OTOG: variants seen among roughly 807,000 people sequenced by gnomAD.
OTOG encodes otogelin.
In OTOG, 296 loss-of-function variants were observed where a neutral mutation model predicts 313.8. The ratio of observed to expected loss-of-function variants is 0.94; its 90% CI spans 0.86 to 1.04. The LOEUF is 1.04. OTOG is among the 50% of genes least tolerant of loss of function. The pLI is 0.00. For missense variants in OTOG, 3,948 were observed against 3,840.1 expected (o/e 1.03, Z -0.74); for synonymous variants, 1,533 against 1,554.9 (o/e 0.99, Z 0.33).
intron 18 of OTOG, 120 bp from the exon 19 acceptor site, chr11:17,572,958 A>G: frequency 2.1e-6 from 2 of 954,448 alleles, no homozygotes; most frequent in African/African-American, 1.7e-5. Context: ...AGCTGCCTAC[A>G]TCCGTACAGC....
At position 17,610,202 on chromosome 11, in the gene OTOG, C is replaced by T. The variant is rs774317885; in HGVS notation, c.4902C>T (p.Pro1634=). The change falls in exon 36 of 56, where the codon CCC becomes CCT. Residue 1634 remains proline, a synonymous_variant. Coordinates refer to ENST00000399397, the MANE Select transcript of OTOG (RefSeq NM_001292063.2). ...GHGSLPVRTT[P]PQPSLTASPS... ...GCTCCTTGCCTGTTAGGACGACACC[C>T]CCACAGCCCTCCTTGACAGCAAGTC... 5.2e-6 allele frequency: 8 copies of T among 1,550,510 alleles called. No homozygotes were observed. In the South Asian group the frequency reaches 5.9e-5, roughly 12 times the overall value.
intron 7 of OTOG, 102 bp downstream of exon 7, chr11:17,555,999 T>A: frequency 1.1e-6 from 1 of 943,998 alleles, no homozygotes; most frequent in African/African-American, 1.6e-5. Context: ...AATTGTTTTC[T>A]GGGGACAAAC....
At chr11:17,597,129 G>A (rs1853130912) in intron 30 of OTOG, 122 bp downstream of exon 30, 2 of 1,252,674 alleles carry the variant, frequency 1.6e-6, no homozygotes, top group Non-Finnish European at 2.2e-6. Flanking sequence ...AGCACCAACT[G>A]CTTTGGGCGT....
intron 39 of OTOG, 97 bp from the exon 40 acceptor site, chr11:17,629,036 A>ATGGG (rs1854050545): frequency 3.9e-5 from 45 of 1,163,170 alleles, no homozygotes; most frequent in Non-Finnish European, 5.1e-5. Context: ...TGATGGGTGG[A>ATGGG]TGGATGGATG....
rs1355111996 is a variant in OTOG, at chr11:17,571,260, C to A, written c.1956-820C>A. On this transcript the variant is annotated intron_variant, in intron 17 of 55. Coordinates refer to ENST00000399397, the MANE Select transcript of OTOG (RefSeq NM_001292063.2). ...TAGCTGGCCAAATAGTAGGGGGAGA[C>A]CTTGGTTTAGTGTGTAAGCTGTTTG... is the stretch of plus-strand genomic sequence containing the variant. 2.0e-5 allele frequency among the ~76,000 whole-genome samples: 3 copies of A among 152,150 alleles called. No individual in the cohort carries two copies. The East Asian group carries it at 5.8e-4, about 29-fold the overall frequency.
Position 17,591,534 on chromosome 11 carries a change from G to A in OTOG, c.2952G>A (p.Thr984=), listed in dbSNP as rs747518343. 1.4e-5 allele frequency: 21 copies of A among 1,550,570 alleles called. No homozygotes were observed. The East Asian group carries it at 2.9e-4, about 22-fold the overall frequency. Residue 984 remains threonine, a synonymous_variant, in exon 25 of 56, where the codon ACG becomes ACA. Transcript: ENST00000399397. ...CCTATGGGGACCGGCATTACCGCAC[G>A]TTTGATGGGCTCCCGTTTGACTTCG... ...CTAYGDRHYR[T]FDGLPFDFVG...
In OTOG at chr11:17,594,064, C is replaced by T. The variant is rs1048498403; in HGVS notation, c.3306C>T (p.Leu1102=). 7 of 1,550,480 alleles carry T rather than the reference C, an allele frequency of 4.5e-6. No individual in the cohort carries two copies. In the African/African-American group the frequency reaches 9.6e-5, roughly 21 times the overall value. The change falls in exon 28 of 56, where the codon CTC becomes CTT. Residue 1102 remains leucine, a synonymous_variant. Coordinates refer to ENST00000399397, the MANE Select transcript of OTOG (RefSeq NM_001292063.2). The part of the protein sequence containing the change: ...GPQWQGQLAG[L]CGNFDLKTIN... The stretch of plus-strand genomic sequence containing the variant: ...CCTTTCAGGGCCAGCTGGCGGGCCT[C>T]TGTGGGAACTTTGACTTAAAAACCA...
chr11:17,560,626 C>A, intron 12 of OTOG, 83 bp from the exon 13 acceptor site: 1 of 961,522 alleles, frequency 1.0e-6, no homozygotes, highest in Non-Finnish European at 1.6e-6. Context: ...ATAAGGGGAT[C>A]TTTATCAGAG....
At chr11:17,558,152 C>T in intron 8 of OTOG, 33 bp from the exon 9 acceptor site, 1 of 1,549,608 alleles carries the variant, frequency 6.5e-7, no homozygotes. Flanking sequence ...AACCCCATCG[C>T]TGCCCCATCA....
chr11:17,556,380 C>T (rs931054936), intron 7 of OTOG, among the ~76,000 whole-genome samples: 4 of 152,182 alleles, frequency 2.6e-5, no homozygotes, highest in African/African-American at 9.7e-5. Flanking sequence ...TAAAATGCCC[C>T]AGACTGTGGT....
chr11:17,629,914 C>T (rs958070325), intron 40 of OTOG, among the ~76,000 whole-genome samples: 1 of 152,162 alleles, frequency 6.6e-6, no homozygotes, highest in African/African-American at 2.4e-5. Context: ...CACATGGACA[C>T]TCATGGGGCA....
chr11:17,630,021 G>A (rs1431383794), intron 40 of OTOG, among the ~76,000 whole-genome samples: 1 of 151,826 alleles, frequency 6.6e-6, no homozygotes, highest in Non-Finnish European at 1.5e-5. Flanking sequence ...TCCTCCACCT[G>A]CACCCCGGTG....
chr11:17,635,077 C>T lies in OTOG; in HGVS notation c.7586-3C>T, dbSNP rs1481769112. ...CAGCACCTAAATTCAGCCTTTTCCC[C>T]AGAGTGTGACCCAGATCTCTGTGAG... is the stretch of plus-strand genomic sequence containing the variant. On this transcript the variant is annotated splice_region_variant and splice_polypyrimidine_tract_variant and intron_variant, in intron 45 of 55. Transcript: ENST00000399397. The T allele has an allele frequency of 1.3e-6, 2 of 1,546,316 alleles. No individual in the cohort carries two copies. Among genetic ancestry groups the T allele is most frequent in the African/African-American group, 2.7e-5 (2 of 72,926 alleles).
chr11:17,599,585 G>A (rs1853194810), intron 30 of OTOG, 86 bp from the exon 31 acceptor site: 2 of 1,450,210 alleles, frequency 1.4e-6, no homozygotes, highest in Non-Finnish European at 1.9e-6. Flanking sequence ...GAAGAAGGGA[G>A]GCTGGGATGC....
chr11:17,633,185 T>C (rs1854173483), intron 42 of OTOG, among the ~76,000 whole-genome samples: 2 of 152,244 alleles, frequency 1.3e-5, no homozygotes, highest in African/African-American at 4.8e-5. Context: ...AAGGATTCTT[T>C]TGTAGTCGAG....
At chr11:17,613,199 C>T (rs868713509) in intron 38 of OTOG, among the ~76,000 whole-genome samples, 87 of 57,176 alleles carry the variant, frequency 1.5e-3, no homozygotes, top group East Asian at 7.4e-3. Flanking sequence ...TCTTTCTTTT[C>T]TTTCTTTCTT....
intron 39 of OTOG, among the ~76,000 whole-genome samples, chr11:17,620,455 G>A (rs1853836372): frequency 6.6e-6 from 1 of 152,042 alleles, no homozygotes; most frequent in Non-Finnish European, 1.5e-5. Flanking sequence ...ATATTCCATT[G>A]TATGTATATA....
chr11:17,570,403 G>C lies in OTOG; in HGVS notation c.1955+13G>C. The C allele has an allele frequency of 6.5e-7, 1 of 1,549,578 alleles. No individual in the cohort carries two copies. Among genetic ancestry groups the C allele is most frequent in the Non-Finnish European group, 8.7e-7 (1 of 1,146,328 alleles). On this transcript the variant is annotated intron_variant, in intron 17 of 55. Coordinates refer to ENST00000399397, the MANE Select transcript of OTOG (RefSeq NM_001292063.2). ...AGGATGACTTCCTGTACGTAGCCCTGCCACGGAACCCGAAGAAGAGGGGAA... is the reference window on the plus strand; with the variant it reads ...AGGATGACTTCCTGTACGTAGCCCTCCCACGGAACCCGAAGAAGAGGGGAA...
chr11:17,552,290 A>G (rs1851953497), intron 4 of OTOG, among the ~76,000 whole-genome samples: 1 of 152,074 alleles, frequency 6.6e-6, no homozygotes, highest in Non-Finnish European at 1.5e-5. Context: ...TCCTGTTCCT[A>G]TGACCATGGC....
Sources: allele counts gnomAD v4.1 joint callset (sites outside exome capture counted in the v4.1 genomes callset), GRCh38; gene constraint gnomAD v4.1.1; transcripts MANE v1.5; gene names NCBI Gene and HGNC (gene_info 2026-07-23, HGNC 2026-07-21).